The following CEP55 variants were observed in gnomAD, a reference collection of about 807,000 sequenced individuals.
The protein encoded by CEP55 is centrosomal protein of 55 kDa.
Under a neutral mutation model 63.2 loss-of-function variants are expected in CEP55, and 57 were observed. The ratio of observed to expected loss-of-function variants is 0.90; its 90% CI spans 0.73 to 1.13. The LOEUF (loss-of-function observed/expected upper bound fraction) is 1.13. Ranked by LOEUF, CEP55 falls within the 50% of genes most tolerant of loss-of-function variation. The probability of loss-of-function intolerance (pLI) is 0.00; values close to 1 mark genes in which losing one functional copy is unlikely to be tolerated. For synonymous variants in CEP55, 178 were observed against 191.6 expected (o/e 0.93, Z 0.59); for missense variants, 456 against 518.9 (o/e 0.88, Z 1.18).
chr10:93,503,801 T>G (rs2057659177), intron 3 of CEP55, among the ~76,000 whole-genome samples: 2 of 152,204 alleles, frequency 1.3e-5, no homozygotes, highest in African/African-American at 4.8e-5. Context: ...TCTCCCCGTT[T>G]TGTTTGAGAG....
chr10:93,524,660 C>A (rs1268212482), intron 8 of CEP55, among the ~76,000 whole-genome samples: 2 of 152,162 alleles, frequency 1.3e-5, no homozygotes, highest in Non-Finnish European at 2.9e-5. Flanking sequence ...AGACCAATAT[C>A]CCTGATGAAC....
chr10:93,521,370 A>C (rs2057860590), intron 8 of CEP55, among the ~76,000 whole-genome samples: 1 of 152,146 alleles, frequency 6.6e-6, no homozygotes, highest in Non-Finnish European at 1.5e-5. Flanking sequence ...TCTGAGATCA[A>C]ACTGCAAGGT....
chr10:93,506,989 C>T lies in CEP55; in HGVS notation c.461C>T (p.Thr154Ile), dbSNP rs2057695723. ...SKTNTLRLSQTVAPNCFNSSI... is the reference protein window; with the variant it reads ...SKTNTLRLSQIVAPNCFNSSI... ...TAACTAATGTTGGATTATTTACAGA[C>T]TGTGGCTCCAAACTGCTTCAACTCA... The change falls in exon 4 of 9, where the codon ACT (threonine) becomes ATT (isoleucine). Residue 154 changes from threonine (T) to isoleucine (I), a missense_variant and splice_region_variant. Physicochemically the swap from Thr to Ile is moderately conservative, Grantham distance 89. Coordinates refer to ENST00000371485, the MANE Select transcript of CEP55 (RefSeq NM_018131.5). The T allele has an allele frequency of 1.9e-6, 3 of 1,572,482 alleles. No homozygotes were observed. The highest frequency in any genetic ancestry group is 2.6e-6 in the Non-Finnish European group (3 of 1,142,124).
At chr10:93,509,678 G>T (rs11187486) in intron 4 of CEP55, among the ~76,000 whole-genome samples, 52,959 of 151,816 alleles carry the variant, frequency 0.35, 10,204 homozygotes, top group East Asian at 0.85. Context: ...TAGAGACAGG[G>T]TTTCGCCATG....
At chr10:93,506,868 C>T (rs2057694257) in intron 3 of CEP55, 120 bp from the exon 4 acceptor site, 1 of 757,526 alleles carries the variant, frequency 1.3e-6, no homozygotes, top group East Asian at 2.6e-5. Context: ...GCCACCGTGC[C>T]CAGCCTAGAT....
chr10:93,518,598 C>T (rs529479306), intron 6 of CEP55, among the ~76,000 whole-genome samples: 2 of 152,330 alleles, frequency 1.3e-5, no homozygotes, highest in Admixed American at 6.5e-5. Context: ...TCAGAAGTGT[C>T]AGAACCTCCA....
chr10:93,524,436 G>T (rs1156902189), intron 8 of CEP55, among the ~76,000 whole-genome samples: 2 of 152,128 alleles, frequency 1.3e-5, no homozygotes, highest in Admixed American at 1.3e-4. Context: ...CTGAAATTGA[G>T]GCAATAATTA....
chr10:93,518,307 G>A (rs957339849), intron 6 of CEP55, among the ~76,000 whole-genome samples: 9 of 151,910 alleles, frequency 5.9e-5, no homozygotes, highest in South Asian at 2.1e-4. Flanking sequence ...CCACCACCAC[G>A]GCTGGCCAAT....
intron 4 of CEP55, among the ~76,000 whole-genome samples, chr10:93,510,097 AT>A (rs1255062817): frequency 1.3e-5 from 2 of 152,228 alleles, no homozygotes; most frequent in Non-Finnish European, 2.9e-5. Context: ...GCCCAGTTGT[AT>A]CATTGTTCAG....
chr10:93,500,091 TG>T lies in CEP55; in HGVS notation c.44del (p.Gly15AspfsTer13). The T allele has an allele frequency of 6.2e-7, 1 of 1,612,390 alleles. No individual in the cohort carries two copies. The highest frequency in any genetic ancestry group is 8.5e-7 in the Non-Finnish European group (1 of 1,179,342). ...TACCAAAGATTTAATTAAAAGTAAG[TG>T]GGGATCGAAGCCTAGTAACTCCAAA... The part of the protein sequence containing the change: ...RSTKDLIKSK[W>X]GSKPSNSKSE... On this transcript the variant is annotated frameshift_variant, in exon 2 of 9. Transcript: ENST00000371485. LOFTEE classifies it high-confidence loss of function.
At chr10:93,498,859 G>A (rs1308507092) in intron 1 of CEP55, among the ~76,000 whole-genome samples, 2 of 150,722 alleles carry the variant, frequency 1.3e-5, no homozygotes, top group African/African-American at 4.9e-5. Context: ...TAGGATACCT[G>A]GTAAATAGTA....
chr10:93,518,819 C>A, intron 6 of CEP55, 58 bp from the exon 7 acceptor site: 1 of 1,234,152 alleles, frequency 8.1e-7, no homozygotes, highest in South Asian at 1.3e-5. Context: ...TCCGTGCATC[C>A]CAGGTCAAGC....
rs111927664 is a variant in CEP55, at chr10:93,507,994, T to C, written c.528+938T>C. Reference sequence around the variant, plus strand: ...ATTTAATTTGTAGTATCTTCTCTTTTGGTTTATCCATGCAAGATGCTCTCT... The same window carrying C: ...ATTTAATTTGTAGTATCTTCTCTTTCGGTTTATCCATGCAAGATGCTCTCT... On this transcript the variant is annotated intron_variant, in intron 4 of 8. Coordinates refer to ENST00000371485, the MANE Select transcript of CEP55 (RefSeq NM_018131.5). Among the ~76,000 whole-genome samples the C allele has an allele frequency of 1.8e-4, 28 of 152,360 alleles. 1 individual carries two copies. Among genetic ancestry groups the C allele is most frequent in the African/African-American group, 6.7e-4 (28 of 41,592 alleles).
chr10:93,507,564 C>G (rs193160080), intron 4 of CEP55, among the ~76,000 whole-genome samples: 3 of 152,196 alleles, frequency 2.0e-5, no homozygotes, highest in African/African-American at 7.2e-5. Flanking sequence ...ATTATCACTG[C>G]CACCAAATAC....
At chr10:93,511,752 G>A (rs999680628) in intron 4 of CEP55, among the ~76,000 whole-genome samples, 1 of 151,650 alleles carries the variant, frequency 6.6e-6, no homozygotes, top group Non-Finnish European at 1.5e-5. Flanking sequence ...ACTGGCGCCC[G>A]CCACCATACC....
At chr10:93,524,160 T>C (rs1381836930) in intron 8 of CEP55, among the ~76,000 whole-genome samples, 1 of 152,108 alleles carries the variant, frequency 6.6e-6, no homozygotes, top group East Asian at 1.9e-4. Context: ...AGCTGGTTTT[T>C]TGAAAAGATC....
At chr10:93,497,297 G>T (rs927507613) in intron 1 of CEP55, among the ~76,000 whole-genome samples, 10 of 151,852 alleles carry the variant, frequency 6.6e-5, no homozygotes, top group African/African-American at 2.4e-4. Context: ...ATGGAGTCTC[G>T]CTCTGTCACC....
intron 4 of CEP55, among the ~76,000 whole-genome samples, chr10:93,509,288 G>A (rs1181841909): frequency 6.6e-6 from 1 of 152,018 alleles, no homozygotes; most frequent in African/African-American, 2.4e-5. Context: ...TCTTAGAAAG[G>A]CGTTTATACA....
intron 4 of CEP55, among the ~76,000 whole-genome samples, chr10:93,509,283 G>C (rs1256157538): frequency 6.6e-6 from 1 of 152,020 alleles, no homozygotes; most frequent in Non-Finnish European, 1.5e-5. Flanking sequence ...CTCTGTCTTA[G>C]AAAGGCGTTT....
Sources: gnomAD v4.1 joint callset for allele counts (sites outside exome capture counted in the v4.1 genomes callset) on GRCh38, gnomAD v4.1.1 for gene constraint, MANE v1.5 for transcripts, NCBI Gene and HGNC (gene_info 2026-07-23, HGNC 2026-07-21) for gene names.